Variants in RERE observed in about 807,000 individuals in gnomAD.
The protein encoded by RERE is arginine-glutamic acid dipeptide repeats protein.
In RERE, 40 loss-of-function variants were observed where a neutral mutation model predicts 146.1. The ratio of observed to expected loss-of-function variants is 0.27; its 90% CI spans 0.21 to 0.36. RERE has a LOEUF of 0.36. RERE is among the 10% of genes least tolerant of loss of function. The probability of loss-of-function intolerance (pLI) is 1.00; values close to 1 mark genes in which losing one functional copy is unlikely to be tolerated. For missense variants in RERE, 1,933 were observed against 2,138.7 expected, an observed-to-expected ratio of 0.90 and a Z score of 1.90; for synonymous variants, 1,003 against 866.0, an observed-to-expected ratio of 1.16 and a Z score of -2.78.
chr1:8,399,456 C>G (rs1483986449), intron 12 of RERE, among the ~76,000 whole-genome samples: 1 of 152,184 alleles, frequency 6.6e-6, no homozygotes, highest in African/African-American at 2.4e-5. Context: ...TAGTTCCCCA[C>G]GGATATCACA....
intron 12 of RERE, among the ~76,000 whole-genome samples, chr1:8,406,086 C>T (rs1643429552): frequency 6.6e-6 from 1 of 151,840 alleles, no homozygotes; most frequent in South Asian, 2.1e-4. Context: ...CTGAGTGAGT[C>T]AATCCACCAG....
intron 1 of RERE, among the ~76,000 whole-genome samples, chr1:8,698,789 A>C (rs1639388012): frequency 6.6e-6 from 1 of 152,154 alleles, no homozygotes; most frequent in Admixed American, 6.5e-5. Flanking sequence ...AAATGCTAGG[A>C]TTACAGACGT....
intron 4 of RERE, among the ~76,000 whole-genome samples, chr1:8,567,699 T>C (rs766123874): frequency 6.6e-6 from 1 of 152,230 alleles, no homozygotes; most frequent in East Asian, 1.9e-4. Context: ...CAATTCATTC[T>C]TGTATTTGTT....
chr1:8,495,205 T>A, intron 9 of RERE, 43 bp from the exon 10 acceptor site: 1 of 1,402,988 alleles, frequency 7.1e-7, no homozygotes, highest in Non-Finnish European at 1.0e-6. Flanking sequence ...CATAGTAATA[T>A]CAGGACAGAG....
chr1:8,629,525 G>A (rs1647010946), intron 2 of RERE, among the ~76,000 whole-genome samples: 1 of 152,126 alleles, frequency 6.6e-6, no homozygotes, highest in Non-Finnish European at 1.5e-5. Flanking sequence ...TCAACCCTCA[G>A]CAAATCAGCA....
intron 1 of RERE, among the ~76,000 whole-genome samples, chr1:8,808,005 G>T (rs963504300): frequency 6.6e-6 from 1 of 152,010 alleles, no homozygotes; most frequent in South Asian, 2.1e-4. Flanking sequence ...GAGGCCAGGC[G>T]TGGTGGGTCA....
intron 11 of RERE, among the ~76,000 whole-genome samples, chr1:8,436,548 G>C (rs1644172740): frequency 6.6e-6 from 1 of 152,066 alleles, no homozygotes; most frequent in Admixed American, 6.6e-5. Context: ...GGATTGTCTA[G>C]AAGTTACAAG....
intron 10 of RERE, among the ~76,000 whole-genome samples, chr1:8,466,546 G>A (rs560942216): frequency 5.5e-4 from 83 of 152,092 alleles, no homozygotes; most frequent in African/African-American, 1.9e-3. Flanking sequence ...CTCATTCTCC[G>A]CAAAGCAGCG....
chr1:8,498,010 T>C (rs907347653), intron 8 of RERE, among the ~76,000 whole-genome samples: 4 of 152,170 alleles, frequency 2.6e-5, no homozygotes, highest in Non-Finnish European at 5.9e-5. Flanking sequence ...AGACAGTCAA[T>C]AGCAATATAA....
intron 1 of RERE, among the ~76,000 whole-genome samples, chr1:8,732,951 A>C (rs1407657752): frequency 6.7e-6 from 1 of 149,512 alleles, no homozygotes; most frequent in Non-Finnish European, 1.5e-5. Flanking sequence ...CCTCCCGAGT[A>C]GCTGGGACTA....
intron 2 of RERE, among the ~76,000 whole-genome samples, chr1:8,635,308 AG>A (rs1166231250): frequency 6.6e-6 from 1 of 152,218 alleles, no homozygotes; most frequent in Admixed American, 6.5e-5. Context: ...AAAGAATTCT[AG>A]GGTTGTAAGG....
chr1:8,623,977 A>C (rs1646945575), intron 3 of RERE, among the ~76,000 whole-genome samples: 1 of 152,186 alleles, frequency 6.6e-6, no homozygotes, highest in Non-Finnish European at 1.5e-5. Context: ...CAATTTACTG[A>C]ATTTACTTTA....
intron 7 of RERE, among the ~76,000 whole-genome samples, chr1:8,519,477 C>T (rs1645463474): frequency 6.6e-6 from 1 of 152,118 alleles, no homozygotes; most frequent in East Asian, 1.9e-4. Context: ...GTTTTGTTTG[C>T]TCTGTGATTT....
At chr1:8,493,662 G>A (rs1038347067) in intron 10 of RERE, among the ~76,000 whole-genome samples, 2 of 152,018 alleles carry the variant, frequency 1.3e-5, no homozygotes, top group Non-Finnish European at 2.9e-5. Context: ...TAGAAACTGG[G>A]ACAGATGATC....
chr1:8,502,721 C>T (rs1645191341), intron 8 of RERE, among the ~76,000 whole-genome samples: 1 of 150,170 alleles, frequency 6.7e-6, no homozygotes. Context: ...ATATGGGAGA[C>T]TTTTCATTTT....
intron 7 of RERE, among the ~76,000 whole-genome samples, chr1:8,509,481 T>C (rs1645303087): frequency 6.6e-6 from 1 of 152,120 alleles, no homozygotes; most frequent in Non-Finnish European, 1.5e-5. Flanking sequence ...GTACCTACTA[T>C]AAGCCAGGAA....
intron 6 of RERE, among the ~76,000 whole-genome samples, chr1:8,545,399 T>C (rs1159866495): frequency 6.6e-6 from 1 of 152,086 alleles, no homozygotes; most frequent in Non-Finnish European, 1.5e-5. Flanking sequence ...GAGGTGGCTA[T>C]ATGAAAAGGA....
chr1:8,680,479 T>C (rs1570601054), intron 1 of RERE, among the ~76,000 whole-genome samples: 1 of 152,110 alleles, frequency 6.6e-6, no homozygotes, highest in Non-Finnish European at 1.5e-5. Flanking sequence ...GAGGATTCCA[T>C]AGAAAATGTT....
At chr1:8,805,001 G>GTTTTTTTTTTTT (rs1168699583) in intron 1 of RERE, among the ~76,000 whole-genome samples, 1 of 102,732 alleles carries the variant, frequency 9.7e-6, no homozygotes, top group Non-Finnish European at 2.0e-5. Flanking sequence ...GTTTTGTTTT[G>GTTTTTTTTTTTT]TTTTTGGTTT....
Sources: gnomAD v4.1 joint callset for allele counts (sites outside exome capture counted in the v4.1 genomes callset) on GRCh38, gnomAD v4.1.1 for gene constraint, MANE v1.5 for transcripts, NCBI Gene and HGNC (gene_info 2026-07-23, HGNC 2026-07-21) for gene names.